Variants in DNAH10 observed in about 807,000 individuals in gnomAD.
DNAH10 encodes axonemal beta dynein heavy chain 10.
In DNAH10, 348 loss-of-function variants were observed where a neutral mutation model predicts 506.6. That is an observed-to-expected ratio of 0.69 (90% confidence interval 0.63 to 0.75). The LOEUF (loss-of-function observed/expected upper bound fraction) is 0.75, where lower values mean the gene tolerates loss of function less well. DNAH10 is among the 30% of genes least tolerant of loss of function. The pLI is 0.00. For synonymous variants in DNAH10, 2,059 were observed against 2,198.6 expected, an observed-to-expected ratio of 0.94 and a Z score of 1.78; for missense variants, 5,179 against 5,787.1, an observed-to-expected ratio of 0.89 and a Z score of 3.41.
chr12:123,799,191 G>GCTGTATC, intron 13 of DNAH10, 55 bp from the exon 14 acceptor site: 13 of 1,502,188 alleles, frequency 8.7e-6, no homozygotes, highest in South Asian at 5.0e-5. Context: ...TGTAGAGCGA[G>GCTGTATC]ATGAAAAATG....
rs201206911 is a variant in DNAH10 at position 123,838,656 on chromosome 12, C to A, written c.5103C>A (p.Ser1701Arg). 1 of 1,613,904 alleles carries A rather than the reference C, an allele frequency of 6.2e-7. No homozygotes were observed. The highest frequency in any genetic ancestry group is 8.5e-7 in the Non-Finnish European group (1 of 1,179,882). ...AGTTGCTTAGCATTCTGGGGAGCAG[C>A]GACCCACTCTGCGTCCAGGAGCACA... ...DDELLSILGS[S>R]DPLCVQEHMI... Residue 1701 changes from serine to arginine, a missense_variant, in exon 29 of 79, where the codon AGC becomes AGA. Physicochemically the swap from Ser to Arg is moderately radical, Grantham distance 110. Coordinates refer to ENST00000673944, the MANE Select transcript of DNAH10 (RefSeq NM_001372106.1).
chr12:123,858,005 A>C (rs1378727635), intron 37 of DNAH10, among the ~76,000 whole-genome samples: 1 of 152,134 alleles, frequency 6.6e-6, no homozygotes, highest in African/African-American at 2.4e-5. Context: ...AGTGTTTTCA[A>C]CATTTATCCA....
chr12:123,918,262 AG>A (rs1954573889), intron 64 of DNAH10, among the ~76,000 whole-genome samples: 1 of 152,222 alleles, frequency 6.6e-6, no homozygotes, highest in African/African-American at 2.4e-5. Context: ...CCAAACCCAA[AG>A]GGGTAAGTGA....
chr12:123,878,306 G>A (rs973400487), intron 48 of DNAH10, among the ~76,000 whole-genome samples: 4 of 152,160 alleles, frequency 2.6e-5, no homozygotes, highest in South Asian at 2.1e-4. Context: ...TTTAAGTCAC[G>A]ATATAGGGAA....
At chr12:123,893,205 A>G in intron 52 of DNAH10, 28 bp from the exon 53 acceptor site, 2 of 1,608,658 alleles carry the variant, frequency 1.2e-6, no homozygotes, top group Non-Finnish European at 1.7e-6. Context: ...GGACTCAGAG[A>G]GATCACCAGC....
chr12:123,813,955 G>T, intron 21 of DNAH10, 43 bp downstream of exon 21: 1 of 1,507,080 alleles, frequency 6.6e-7, no homozygotes, highest in South Asian at 1.4e-5. Flanking sequence ...CAATTGGATT[G>T]ACCACTAACG....
At chr12:123,912,633 C>G (rs1299749866) in intron 59 of DNAH10, among the ~76,000 whole-genome samples, 2 of 152,180 alleles carry the variant, frequency 1.3e-5, no homozygotes, top group Non-Finnish European at 2.9e-5. Context: ...GGGGACAAAA[C>G]CTACCGCAGT....
intron 16 of DNAH10, among the ~76,000 whole-genome samples, chr12:123,803,255 C>T (rs986859913): frequency 2.0e-5 from 3 of 152,130 alleles, no homozygotes; most frequent in East Asian, 1.9e-4. Flanking sequence ...TGAGACCGAT[C>T]GTAAGTACTT....
chr12:123,843,562 T>C (rs1377372201), intron 30 of DNAH10, among the ~76,000 whole-genome samples: 1 of 151,542 alleles, frequency 6.6e-6, no homozygotes, highest in Non-Finnish European at 1.5e-5. Context: ...TTTTTATTGC[T>C]TTTCCTACTT....
chr12:123,853,407 A>G lies in DNAH10; in HGVS notation c.6438+55A>G. ...GTTTCAGCTGCTTCAGGCATTTACT[A>G]CGTGCCATTGGGGAGGTGATGGGCA... On this transcript the variant is annotated intron_variant, in intron 36 of 78. Transcript: ENST00000673944. This position sits in a 1 kb window ranked among gnomAD's most constrained non-coding sequence, Gnocchi z 4.7. 1 of 1,571,754 alleles carries G rather than the reference A, an allele frequency of 6.4e-7. No individual in the cohort carries two copies. Among genetic ancestry groups the G allele is most frequent in the Non-Finnish European group, 8.6e-7 (1 of 1,157,974 alleles).
chr12:123,912,835 T>C (rs1023450387), intron 59 of DNAH10, among the ~76,000 whole-genome samples: 3 of 152,238 alleles, frequency 2.0e-5, no homozygotes, highest in African/African-American at 7.2e-5. Context: ...AGAACCACAG[T>C]GTCATCTTAC....
intron 43 of DNAH10, among the ~76,000 whole-genome samples, chr12:123,869,104 T>A (rs1369162129): frequency 6.6e-6 from 1 of 152,200 alleles, no homozygotes; most frequent in Non-Finnish European, 1.5e-5. Flanking sequence ...CCCTCGAGCA[T>A]ACGCTTGACG....
chr12:123,833,928 A>G (rs940178855), intron 27 of DNAH10, among the ~76,000 whole-genome samples: 1 of 152,144 alleles, frequency 6.6e-6, no homozygotes, highest in African/African-American at 2.4e-5. Flanking sequence ...CTTTTGGGCA[A>G]TACTTATCCA....
intron 28 of DNAH10, 44 bp downstream of exon 28, chr12:123,835,572 A>G: frequency 6.3e-7 from 1 of 1,581,724 alleles, no homozygotes; most frequent in South Asian, 1.2e-5. Flanking sequence ...AAGGGCAGCG[A>G]TTTGAGATAT....
intron 2 of DNAH10, among the ~76,000 whole-genome samples, chr12:123,767,947 G>A (rs1334784524): frequency 6.6e-6 from 1 of 152,182 alleles, no homozygotes; most frequent in African/African-American, 2.4e-5. Context: ...AAATCAAGGT[G>A]CTGGCAGGGC....
Position 123,918,321 on chromosome 12 carries a change from C to T in DNAH10, c.11233-355C>T, listed in dbSNP as rs187001243. 1.3e-4 allele frequency among the ~76,000 whole-genome samples: 20 copies of T among 152,320 alleles called. No homozygotes were observed. In the East Asian group the frequency reaches 3.1e-3, roughly 23 times the overall value. The stretch of plus-strand genomic sequence containing the variant: ...AAGGTCCTGAGAGTCACTTAGGTCA[C>T]GTTTCTACCCCAAAGCAGCCCTGGG... On this transcript the variant is annotated intron_variant, in intron 64 of 78. Transcript: ENST00000673944.
rs756969762 is a variant in DNAH10, at chr12:123,875,407, G to A, written c.8115G>A (p.Ser2705=). 9.3e-6 allele frequency: 15 copies of A among 1,613,840 alleles called. No homozygotes were observed. In the Admixed American group the frequency reaches 1.5e-4, roughly 16 times the overall value. ...ATGAAGTTGACCCAAGATTTATTTCGCTATTCAGTGTCTTCAATGTGCCAT... is the reference window on the plus strand; with the variant it reads ...ATGAAGTTGACCCAAGATTTATTTCACTATTCAGTGTCTTCAATGTGCCAT... The part of the protein sequence containing the change: ...GRNEVDPRFI[S]LFSVFNVPFP... Residue 2705 remains serine, a synonymous_variant, in exon 47 of 79, where the codon TCG becomes TCA. Transcript: ENST00000673944.
rs1957832231 is a variant in DNAH10, at chr12:123,785,882, C to T, written c.1367C>T (p.Ala456Val). The change falls in exon 9 of 79, where the codon GCC (alanine) becomes GTC (valine). Residue 456 changes from alanine (A) to valine (V), a missense_variant. Physicochemically the swap from Ala to Val is moderately conservative, Grantham distance 64. This residue lies in a region of DNAH10 where 4,844 missense variants were observed against 5,430.5 expected (regional missense o/e 0.89). Coordinates refer to ENST00000673944, the MANE Select transcript of DNAH10 (RefSeq NM_001372106.1). This position sits in a 1 kb window ranked among gnomAD's most constrained non-coding sequence, Gnocchi z 4.1. ...ATGATTCCGCTCATGGAGCGCATCGCCTGGGAAATCGCTGAGAGAGTCTGC... is the reference window on the plus strand; with the variant it reads ...ATGATTCCGCTCATGGAGCGCATCGTCTGGGAAATCGCTGAGAGAGTCTGC... ...ERMIPLMERI[A>V]WEIAERVCRV... is the part of the protein sequence containing the mutation. The T allele has an allele frequency of 1.2e-6, 2 of 1,613,992 alleles. No individual in the cohort carries two copies. Among genetic ancestry groups the T allele is most frequent in the African/African-American group, 1.3e-5 (1 of 74,906 alleles).
At chr12:123,859,323 G>A in intron 38 of DNAH10, 55 bp downstream of exon 38, 1 of 1,381,474 alleles carries the variant, frequency 7.2e-7, no homozygotes, top group Non-Finnish European at 9.7e-7. Flanking sequence ...CACAGTATAT[G>A]TTTGGTGCCA....
Sources: allele counts gnomAD v4.1 joint callset (sites outside exome capture counted in the v4.1 genomes callset), GRCh38; gene constraint gnomAD v4.1.1; regional missense constraint gnomAD v4.1.1; non-coding constraint Gnocchi (gnomAD v3.1); transcripts MANE v1.5; gene names NCBI Gene and HGNC (gene_info 2026-07-23, HGNC 2026-07-21).